Variants in SAMD5 observed in about 807,000 individuals in gnomAD.
The protein encoded by SAMD5 is sterile alpha motif domain-containing protein 5.
In SAMD5, 13 loss-of-function variants were observed where a neutral mutation model predicts 11.3. The observed-to-expected ratio is 1.15, with a 90% CI of 0.75 to 1.83. The LOEUF (loss-of-function observed/expected upper bound fraction) is 1.83. Ranked by LOEUF, SAMD5 falls within the 40% of genes most tolerant of loss-of-function variation. The probability of loss-of-function intolerance (pLI) is 0.00; values close to 1 mark genes in which losing one functional copy is unlikely to be tolerated. For synonymous variants in SAMD5, 129 were observed against 111.3 expected, an observed-to-expected ratio of 1.16 and a Z score of -1.00; for missense variants, 255 against 239.1, an observed-to-expected ratio of 1.07 and a Z score of -0.44.
At chr6:147,644,086 T>C (rs1046184453) in intron 1 of SAMD5, among the ~76,000 whole-genome samples, 2 of 152,188 alleles carry the variant, frequency 1.3e-5, no homozygotes, top group African/African-American at 4.8e-5. Context: ...TGTTTGCCCT[T>C]GGTGAAATGT....
At chr6:147,931,654 A>G in the SAMD5 span, among the ~76,000 whole-genome samples, 1 of 152,336 alleles carries the variant, frequency 6.6e-6, no homozygotes, top group East Asian at 1.9e-4. Flanking sequence ...ATAAATTCAT[A>G]TTTAACTTAC....
At chr6:147,820,970 CTCT>C in the SAMD5 span, among the ~76,000 whole-genome samples, 1 of 152,178 alleles carries the variant, frequency 6.6e-6, no homozygotes, top group Non-Finnish European at 1.5e-5. Flanking sequence ...GGAATTAGGA[CTCT>C]TCTTTTTCTT....
rs552501580 is a variant in SAMD5, at chr6:147,662,281, C to A, written c.163-75036C>A. 2.2e-3 allele frequency among the ~76,000 whole-genome samples: 333 copies of A among 152,266 alleles called. 2 individuals carry two copies. Among genetic ancestry groups the A allele is most frequent in the African/African-American group, 7.7e-3 (319 of 41,556 alleles). ...TTATTTATCAGACTTTGGGAACAGACAACAAATGAGATTATAAGTATCTCC... is the reference window on the plus strand; with the variant it reads ...TTATTTATCAGACTTTGGGAACAGAAAACAAATGAGATTATAAGTATCTCC... On this transcript the variant is annotated intron_variant, in intron 1 of 1. Transcript: ENST00000566741.
chr6:147,763,483 T>G, the SAMD5 span, among the ~76,000 whole-genome samples: 1 of 150,718 alleles, frequency 6.6e-6, no homozygotes, highest in East Asian at 2.0e-4. Flanking sequence ...TTTTTTTTTA[T>G]TAACCAGAGT....
the SAMD5 span, among the ~76,000 whole-genome samples, chr6:147,930,408 C>T: frequency 2.6e-5 from 4 of 152,048 alleles, no homozygotes; most frequent in South Asian, 2.1e-4. Context: ...CTCCTCATAC[C>T]GATTTTCAGT....
At chr6:147,867,519 A>G in the SAMD5 span, among the ~76,000 whole-genome samples, 1 of 152,060 alleles carries the variant, frequency 6.6e-6, no homozygotes, top group Non-Finnish European at 1.5e-5. Flanking sequence ...AATGATTTCT[A>G]TTTTTGAAAA....
the SAMD5 span, among the ~76,000 whole-genome samples, chr6:147,842,921 A>G: frequency 6.6e-6 from 1 of 152,304 alleles, no homozygotes; most frequent in Admixed American, 6.5e-5. Context: ...GTGCAGTGGC[A>G]CGATCTTGAC....
chr6:147,611,512 G>A (rs1001436773), intron 1 of SAMD5, among the ~76,000 whole-genome samples: 18 of 151,556 alleles, frequency 1.2e-4, no homozygotes, highest in Admixed American at 2.6e-4. Flanking sequence ...GCAGTGAGCC[G>A]AGATCACACC....
intron 1 of SAMD5, among the ~76,000 whole-genome samples, chr6:147,582,679 G>T (rs1180011218): frequency 6.6e-6 from 1 of 152,212 alleles, no homozygotes. Context: ...TAAAGTGAAA[G>T]CCAGAATCAA....
At chr6:147,536,659 T>C (rs971924063) in intron 1 of SAMD5, among the ~76,000 whole-genome samples, 3 of 152,104 alleles carry the variant, frequency 2.0e-5, no homozygotes, top group African/African-American at 7.2e-5. Context: ...GGATGACAAG[T>C]CTGTAGCTAT....
intron 1 of SAMD5, among the ~76,000 whole-genome samples, chr6:147,692,649 C>T (rs1055281777): frequency 6.6e-6 from 1 of 152,196 alleles, no homozygotes; most frequent in African/African-American, 2.4e-5. Flanking sequence ...GTAGCAAACA[C>T]CTTTTAAGAT....
At chr6:147,665,632 T>C (rs1036529466) in intron 1 of SAMD5, among the ~76,000 whole-genome samples, 1 of 152,130 alleles carries the variant, frequency 6.6e-6, no homozygotes, top group African/African-American at 2.4e-5. Context: ...AAACTGCCCC[T>C]TCAACCAGCC....
the SAMD5 span, among the ~76,000 whole-genome samples, chr6:147,860,343 C>CT: frequency 1.3e-5 from 2 of 152,320 alleles, no homozygotes; most frequent in Admixed American, 1.3e-4. Flanking sequence ...TGCAGAGACC[C>CT]TATTTCCAAA....
intron 1 of SAMD5, among the ~76,000 whole-genome samples, chr6:147,561,547 G>T (rs528945314): frequency 1.3e-5 from 2 of 152,018 alleles, no homozygotes; most frequent in Admixed American, 1.3e-4. Flanking sequence ...AGTCAACCTA[G>T]TATGATAACC....
At chr6:147,874,545 G>T in the SAMD5 span, among the ~76,000 whole-genome samples, 1 of 151,736 alleles carries the variant, frequency 6.6e-6, no homozygotes, top group African/African-American at 2.4e-5. Flanking sequence ...GGTGGCAGGA[G>T]CTGGAGCATT....
At chr6:147,713,030 T>C (rs1482812641) in intron 1 of SAMD5, among the ~76,000 whole-genome samples, 2 of 152,124 alleles carry the variant, frequency 1.3e-5, no homozygotes, top group Non-Finnish European at 2.9e-5. Flanking sequence ...AAACAAAAGA[T>C]CAGACCTCCT....
intron 1 of SAMD5, among the ~76,000 whole-genome samples, chr6:147,520,148 C>A (rs978527985): frequency 1.4e-5 from 2 of 143,332 alleles, no homozygotes; most frequent in Non-Finnish European, 3.0e-5. Context: ...GATAGAGTCT[C>A]GCTCTGTTGC....
At chr6:147,672,787 G>A (rs1790812389) in intron 1 of SAMD5, among the ~76,000 whole-genome samples, 1 of 151,690 alleles carries the variant, frequency 6.6e-6, no homozygotes, top group Admixed American at 6.6e-5. Context: ...GATTTTCTAG[G>A]TGAAGATTTA....
At position 147,568,686 on chromosome 6, in the gene SAMD5, A is replaced by G. The variant is rs929779628; in HGVS notation, c.*4230A>G. The G allele has an allele frequency of 4.1e-6, 4 of 985,294 alleles. No individual in the cohort carries two copies. Among genetic ancestry groups the G allele is most frequent in the Non-Finnish European group, 4.8e-6 (4 of 829,904 alleles). The allele number at this position is 985,294 out of a possible 1,614,324, so 61.0% of individuals were successfully genotyped here. On this transcript the variant is annotated 3_prime_UTR_variant, in exon 2 of 2. Transcript: ENST00000367474. ...GAGTTGTGCAGAGCAGAGCAAATCT[A>G]TTAGGCTTTCTCTTTTAGAGTTTTC... is the stretch of plus-strand genomic sequence containing the variant.
Sources: allele counts gnomAD v4.1 joint callset (sites outside exome capture counted in the v4.1 genomes callset), GRCh38; gene constraint gnomAD v4.1.1; transcripts MANE v1.5; gene names NCBI Gene and HGNC (gene_info 2026-07-23, HGNC 2026-07-21).